Variants in FOCAD observed in about 807,000 individuals in gnomAD.
The protein encoded by FOCAD is focadhesin.
Under a neutral mutation model 225.6 loss-of-function variants are expected in FOCAD, and 198 were observed. The observed-to-expected ratio is 0.88, with a 90% CI of 0.78 to 0.99. The LOEUF is 0.99. Ranked by LOEUF, FOCAD falls within the 50% of genes least tolerant of loss-of-function variation. FOCAD has a pLI of 0.00. For synonymous variants in FOCAD, 897 were observed against 755.0 expected, an observed-to-expected ratio of 1.19 and a Z score of -3.08; for missense variants, 2,713 against 2,123.6, an observed-to-expected ratio of 1.28 and a Z score of -5.46.
intron 25 of FOCAD, among the ~76,000 whole-genome samples, chr9:20,925,908 T>C (rs1483520230): frequency 6.6e-6 from 1 of 152,222 alleles, no homozygotes; most frequent in Non-Finnish European, 1.5e-5. Context: ...TATTGCCTCC[T>C]TTGTCAAATA....
intron 15 of FOCAD, among the ~76,000 whole-genome samples, chr9:20,834,537 C>T (rs957512885): frequency 2.0e-5 from 3 of 152,082 alleles, no homozygotes; most frequent in Non-Finnish European, 4.4e-5. Flanking sequence ...TAATAGAATA[C>T]TAGTAGCAGT....
chr9:20,860,974 A>G (rs1485683500), intron 15 of FOCAD, among the ~76,000 whole-genome samples: 2 of 152,072 alleles, frequency 1.3e-5, no homozygotes, highest in African/African-American at 2.4e-5. Flanking sequence ...TTTTGTACCT[A>G]TAACATGTTG....
intron 1 of FOCAD, among the ~76,000 whole-genome samples, chr9:20,704,007 C>T (rs961607032): frequency 1.3e-5 from 2 of 152,194 alleles, no homozygotes; most frequent in African/African-American, 4.8e-5. Context: ...TCAGGTTGCT[C>T]TGTTATCATG....
At chr9:20,942,560 A>G (rs1409006095) in intron 28 of FOCAD, among the ~76,000 whole-genome samples, 1 of 152,230 alleles carries the variant, frequency 6.6e-6, no homozygotes, top group East Asian at 1.9e-4. Flanking sequence ...AAATTTGCCT[A>G]CTACTAAACA....
intron 1 of FOCAD, among the ~76,000 whole-genome samples, chr9:20,706,658 A>G (rs1357970582): frequency 1.3e-5 from 2 of 152,192 alleles, no homozygotes; most frequent in African/African-American, 4.8e-5. Flanking sequence ...CCTCTCTGAC[A>G]TTGTTTCTTC....
intron 18 of FOCAD, among the ~76,000 whole-genome samples, chr9:20,873,469 G>A (rs1024647461): frequency 3.3e-5 from 5 of 152,272 alleles, no homozygotes; most frequent in East Asian, 1.9e-4. Context: ...CAGTGATTTC[G>A]ACAGACGCTT....
intron 4 of FOCAD, among the ~76,000 whole-genome samples, chr9:20,724,416 A>T (rs144420591): frequency 1.8e-4 from 27 of 152,342 alleles, no homozygotes; most frequent in Middle Eastern, 3.4e-3. Flanking sequence ...TTTTATAATA[A>T]GCAAATATAG....
intron 4 of FOCAD, among the ~76,000 whole-genome samples, chr9:20,724,917 C>T (rs530230969): frequency 6.6e-6 from 1 of 152,250 alleles, no homozygotes; most frequent in South Asian, 2.1e-4. Flanking sequence ...GCCCGTAATC[C>T]CAGCACTTTG....
chr9:20,985,506 A>C (rs986423792), intron 39 of FOCAD, among the ~76,000 whole-genome samples: 1 of 152,224 alleles, frequency 6.6e-6, no homozygotes, highest in Non-Finnish European at 1.5e-5. Flanking sequence ...CTTCAGTTTC[A>C]AGAAAATAAT....
At chr9:20,969,575 A>G (rs983314508) in intron 35 of FOCAD, among the ~76,000 whole-genome samples, 1 of 151,952 alleles carries the variant, frequency 6.6e-6, no homozygotes, top group African/African-American at 2.4e-5. Context: ...TCTCCCTTTC[A>G]TGTTATTACT....
chr9:20,949,305 C>T (rs1837474174), intron 32 of FOCAD, among the ~76,000 whole-genome samples: 1 of 152,072 alleles, frequency 6.6e-6, no homozygotes, highest in Non-Finnish European at 1.5e-5. Context: ...AAAATATTTT[C>T]ACAGTGGACA....
At chr9:20,716,970 T>G (rs556967669) in intron 2 of FOCAD, among the ~76,000 whole-genome samples, 2 of 152,362 alleles carry the variant, frequency 1.3e-5, no homozygotes, top group East Asian at 3.9e-4. Flanking sequence ...TTGCAATTCC[T>G]GGTCAGTTCC....
Position 20,951,212 on chromosome 9 carries a change from C to G in FOCAD, c.4051+114C>G. The G allele has an allele frequency of 5.2e-6, 4 of 768,062 alleles. 1 individual carries two copies. The Middle Eastern group carries it at 9.6e-4, about 183-fold the overall frequency. The allele number at this position is 768,062 out of a possible 1,614,324, so 47.6% of individuals were successfully genotyped here. ...AACAACCCTAAGTAATGGGTATTACCATCTCTGTTTTACGTCAGAGGGAAA... is the reference window on the plus strand; with the variant it reads ...AACAACCCTAAGTAATGGGTATTACGATCTCTGTTTTACGTCAGAGGGAAA... On this transcript the variant is annotated intron_variant, in intron 34 of 43. Coordinates refer to ENST00000338382, the MANE Select transcript of FOCAD (RefSeq NM_001375567.1).
chr9:20,731,809 G>T (rs1040195039), intron 4 of FOCAD, among the ~76,000 whole-genome samples: 2 of 151,912 alleles, frequency 1.3e-5, no homozygotes. Context: ...TAGAGACGGG[G>T]TTTCTCCATG....
intron 11 of FOCAD, among the ~76,000 whole-genome samples, chr9:20,799,288 A>T (rs1821508113): frequency 6.6e-6 from 1 of 152,162 alleles, no homozygotes; most frequent in South Asian, 2.1e-4. Flanking sequence ...ATTTTGGAAT[A>T]GGTGTGGTGT....
intron 23 of FOCAD, among the ~76,000 whole-genome samples, chr9:20,913,741 G>A (rs1316034291): frequency 6.6e-6 from 1 of 152,144 alleles, no homozygotes; most frequent in Non-Finnish European, 1.5e-5. Flanking sequence ...TGGCAATGAA[G>A]TTTAAAACAT....
At chr9:20,692,246 A>G (rs1466276730) in intron 1 of FOCAD, among the ~76,000 whole-genome samples, 1 of 152,114 alleles carries the variant, frequency 6.6e-6, no homozygotes, top group African/African-American at 2.4e-5. Context: ...CAGTTAACAG[A>G]AACTCCATCC....
At chr9:20,777,326 ACTGT>A (rs1818867751) in intron 8 of FOCAD, among the ~76,000 whole-genome samples, 1 of 34,370 alleles carries the variant, frequency 2.9e-5, no homozygotes, top group African/African-American at 1.2e-4. Flanking sequence ...TTTTTTTTTG[ACTGT>A]CTTTATTGTT....
At chr9:20,792,863 C>T (rs1820677472) in intron 11 of FOCAD, among the ~76,000 whole-genome samples, 1 of 152,042 alleles carries the variant, frequency 6.6e-6, no homozygotes, top group South Asian at 2.1e-4. Flanking sequence ...AGTTATAGGG[C>T]AGAACCCTGT....
Sources: allele counts gnomAD v4.1 joint callset (sites outside exome capture counted in the v4.1 genomes callset), GRCh38; gene constraint gnomAD v4.1.1; transcripts MANE v1.5; gene names NCBI Gene and HGNC (gene_info 2026-07-23, HGNC 2026-07-21).